TNFRSF8: variants seen among roughly 807,000 people sequenced by gnomAD.
The protein encoded by TNFRSF8 is tumor necrosis factor receptor superfamily member 8.
Under a neutral mutation model 70.8 loss-of-function variants are expected in TNFRSF8, and 26 were observed. The observed-to-expected ratio is 0.37, with a 90% CI of 0.27 to 0.51. The LOEUF (loss-of-function observed/expected upper bound fraction) is 0.51, where lower values mean the gene tolerates loss of function less well. TNFRSF8 is among the 20% of genes least tolerant of loss of function. The pLI is 0.94. For missense variants in TNFRSF8, 720 were observed against 807.9 expected (o/e 0.89, Z 1.32); for synonymous variants, 356 against 339.2 (o/e 1.05, Z -0.54).
intron 8 of TNFRSF8, 57 bp downstream of exon 8, chr1:12,115,786 T>G: frequency 1.3e-6 from 2 of 1,584,180 alleles, no homozygotes; most frequent in Non-Finnish European, 1.7e-6. Context: ...CCCCCACTGT[T>G]GTGCCTCTCC....
At chr1:12,073,248 G>T (rs1014341807) in intron 1 of TNFRSF8, among the ~76,000 whole-genome samples, 2 of 151,788 alleles carry the variant, frequency 1.3e-5, no homozygotes, top group East Asian at 3.9e-4. Flanking sequence ...CAGGGTGACC[G>T]CAAGGCCCTG....
chr1:12,078,324 G>A (rs1641001745), intron 1 of TNFRSF8, among the ~76,000 whole-genome samples: 3 of 152,176 alleles, frequency 2.0e-5, no homozygotes, highest in African/African-American at 7.2e-5. Context: ...AGCACTTTGG[G>A]AGGCTGAGGT....
In TNFRSF8 at chr1:12,104,544, AC is replaced by A. The variant is rs1158196922; in HGVS notation, c.421+16del. The A allele has an allele frequency of 6.2e-7, 1 of 1,613,638 alleles. No individual in the cohort carries two copies. The highest frequency in any genetic ancestry group is 2.2e-5 in the East Asian group (1 of 44,892). On this transcript the variant is annotated intron_variant, in intron 4 of 14. Coordinates refer to ENST00000263932, the MANE Select transcript of TNFRSF8 (RefSeq NM_001243.5). ...GTCAAGTTCCCAGGTCAGTGTCCCC[AC>A]CCTTAACTCAGGACAGAGATCTATG...
chr1:12,107,015 G>A (rs983504701), intron 4 of TNFRSF8, among the ~76,000 whole-genome samples: 2 of 152,220 alleles, frequency 1.3e-5, no homozygotes, highest in Non-Finnish European at 2.9e-5. Context: ...GCCACACAGC[G>A]GCGCCAGAGG....
At chr1:12,095,240 T>C (rs1191965441) in intron 2 of TNFRSF8, among the ~76,000 whole-genome samples, 1 of 152,140 alleles carries the variant, frequency 6.6e-6, no homozygotes, top group Non-Finnish European at 1.5e-5. Context: ...TGTGGAGTTA[T>C]TTTACCCTAT....
At position 12,103,496 on chromosome 1, in the gene TNFRSF8, G is replaced by A. The variant is rs139575210; in HGVS notation, c.269-883G>A. ...TCCCCTATTTTTTGTTTGAAACAGG[G>A]TATCACTCTTTTGCCCAGGCTGGAG... On this transcript the variant is annotated intron_variant, in intron 3 of 14. Transcript: ENST00000263932. 3.2e-3 allele frequency among the ~76,000 whole-genome samples: 491 copies of A among 152,064 alleles called. 3 individuals are homozygous for A. The highest frequency in any genetic ancestry group is 0.011 in the African/African-American group (465 of 41,474).
At chr1:12,123,663 C>G in intron 9 of TNFRSF8, 52 bp from the exon 10 acceptor site, 1 of 1,431,802 alleles carries the variant, frequency 7.0e-7, no homozygotes, top group African/African-American at 1.4e-5. Context: ...TCCTGAAGAC[C>G]CACTTCCCTC....
At chr1:12,128,838 T>TA (rs1186424552) in intron 12 of TNFRSF8, among the ~76,000 whole-genome samples, 6 of 143,100 alleles carry the variant, frequency 4.2e-5, no homozygotes, top group Non-Finnish European at 6.2e-5. Flanking sequence ...AAATTCTTTT[T>TA]TTTTTTTTTT....
chr1:12,127,396 C>T (rs1313421121), intron 12 of TNFRSF8, among the ~76,000 whole-genome samples: 1 of 152,244 alleles, frequency 6.6e-6, no homozygotes, highest in African/African-American at 2.4e-5. Context: ...GTGGCACAGC[C>T]AGCCTCAGGC....
intron 2 of TNFRSF8, among the ~76,000 whole-genome samples, chr1:12,094,954 C>T (rs1475564581): frequency 6.6e-6 from 1 of 151,800 alleles, no homozygotes; most frequent in South Asian, 2.1e-4. Context: ...GAGGTTCTTG[C>T]GTGTTGTTCT....
chr1:12,076,879 T>G, intron 1 of TNFRSF8, among the ~76,000 whole-genome samples: 1 of 152,100 alleles, frequency 6.6e-6, no homozygotes, highest in East Asian at 1.9e-4. Flanking sequence ...GGTGGTATAG[T>G]CTAGTGGTTG....
chr1:12,126,160 C>T, intron 11 of TNFRSF8, 23 bp from the exon 12 acceptor site: 1 of 1,614,166 alleles, frequency 6.2e-7, no homozygotes. Flanking sequence ...CCACCCCCAG[C>T]CTTCCTCCTG....
chr1:12,106,302 T>C (rs1641523248), intron 4 of TNFRSF8, among the ~76,000 whole-genome samples: 1 of 152,056 alleles, frequency 6.6e-6, no homozygotes, highest in East Asian at 1.9e-4. Context: ...CTGTTCTCTC[T>C]GTCGGAGACA....
intron 3 of TNFRSF8, among the ~76,000 whole-genome samples, chr1:12,101,489 A>G (rs895756724): frequency 6.6e-6 from 1 of 152,156 alleles, no homozygotes; most frequent in Non-Finnish European, 1.5e-5. Flanking sequence ...ATAGCTTTCT[A>G]TGATCATTAT....
In TNFRSF8 at chr1:12,142,918, AGCTC is replaced by A; in HGVS notation, c.*388_*391del. ...CCAGCGAGGGAGAGGTCGTGAGGCC[AGCTC>A]CCGGGGCCCCTGTAACCCTACTCTC... On this transcript the variant is annotated 3_prime_UTR_variant, in exon 15 of 15. Coordinates refer to ENST00000263932, the MANE Select transcript of TNFRSF8 (RefSeq NM_001243.5). The surrounding 1 kb of genome is among the most constrained non-coding windows in gnomAD (Gnocchi z 5.0). The A allele has an allele frequency of 5.3e-6, 1 of 187,262 alleles. No homozygotes were observed. Among genetic ancestry groups the A allele is most frequent in the South Asian group, 1.2e-4 (1 of 8,170 alleles). 11.6% of individuals were successfully genotyped at this position (187,262 alleles called of 1,614,324 possible).
In TNFRSF8 at chr1:12,123,386, C is replaced by A; in HGVS notation, c.1040+9C>A. ...GGCGAGGCGCCTGCCAGGTGACTCC[C>A]CCACCCCTTCTCTCTGTTTGGCTGC... On this transcript the variant is annotated intron_variant, in intron 9 of 14. Transcript: ENST00000263932. The A allele has an allele frequency of 6.3e-7, 1 of 1,599,908 alleles. No individual in the cohort carries two copies. The highest frequency in any genetic ancestry group is 8.5e-7 in the Non-Finnish European group (1 of 1,173,288).
In TNFRSF8 at chr1:12,097,087, G is replaced by C; in HGVS notation, c.152-14G>C. ...AGTCAGCCTGGCTTGGAGCTTCTCT[G>C]TTTCTTTTCCCAGGGCTGTTCCCGA... On this transcript the variant is annotated splice_polypyrimidine_tract_variant and intron_variant, in intron 2 of 14. Transcript: ENST00000263932. The C allele has an allele frequency of 6.2e-7, 1 of 1,610,954 alleles. No individual in the cohort carries two copies. Among genetic ancestry groups the C allele is most frequent in the Non-Finnish European group, 8.5e-7 (1 of 1,177,612 alleles).
chr1:12,116,692 C>T (rs1193207398), intron 8 of TNFRSF8, among the ~76,000 whole-genome samples: 1 of 152,076 alleles, frequency 6.6e-6, no homozygotes, highest in African/African-American at 2.4e-5. Flanking sequence ...CCCAGCTACT[C>T]AGGAGGTTGA....
intron 3 of TNFRSF8, 67 bp from the exon 4 acceptor site, chr1:12,104,312 C>T (rs1641478545): frequency 1.3e-6 from 2 of 1,589,186 alleles, no homozygotes; most frequent in Admixed American, 1.7e-5. Flanking sequence ...TCCCCCTCAT[C>T]TCAAGAGCTA....
Sources: allele counts gnomAD v4.1 joint callset (sites outside exome capture counted in the v4.1 genomes callset), GRCh38; gene constraint gnomAD v4.1.1; non-coding constraint Gnocchi (gnomAD v3.1); transcripts MANE v1.5; gene names NCBI Gene and HGNC (gene_info 2026-07-23, HGNC 2026-07-21).